Variants in DLG3 observed in about 807,000 individuals in gnomAD.
DLG3 encodes discs large MAGUK scaffold protein 3.
DLG3 carries 1 observed loss-of-function variant against 64.1 expected under a neutral mutation model. The observed-to-expected ratio is 0.02, with a 90% confidence interval of 0.01 to 0.07. The LOEUF (loss-of-function observed/expected upper bound fraction) is 0.07. DLG3 is among the 10% of genes least tolerant of loss of function. The pLI, the probability that DLG3 is intolerant of heterozygous loss-of-function variation, is 1.00. For synonymous variants in DLG3, 245 were observed against 259.8 expected, an observed-to-expected ratio of 0.94 and a Z score of 0.55; for missense variants, 429 against 669.5, an observed-to-expected ratio of 0.64 and a Z score of 3.96.
intron 9 of DLG3, among the ~76,000 whole-genome samples, chrX:70,464,499 G>A (rs769078199): frequency 3.7e-4 from 41 of 111,405 alleles, no homozygotes; most frequent in Non-Finnish European, 6.4e-4. Context: ...GAGCTCAAGT[G>A]ATTCCCTCGC....
At chrX:70,489,177 C>T (rs2087310749) in intron 10 of DLG3, among the ~76,000 whole-genome samples, 1 of 112,104 alleles carries the variant, frequency 8.9e-6, no homozygotes, top group Non-Finnish European at 1.9e-5. Flanking sequence ...AACATAAGCC[C>T]GAATAGTACA....
In DLG3 at chrX:70,448,920, G is replaced by A. The variant is rs1484571232; in HGVS notation, c.365G>A (p.Gly122Asp). Residue 122 changes from glycine to aspartate, a missense_variant, in exon 2 of 19, where the codon GGC becomes GAC. Gly to Asp is a moderately conservative substitution (Grantham distance 94). Coordinates refer to ENST00000374360, the MANE Select transcript of DLG3 (RefSeq NM_021120.4). ...TNRDWYEQVN[G>D]SDGMFKYEEI... ...GCCTGTGTCTCCCCCTAGGTGAATG[G>A]CAGTGATGGCATGTTCAAATATGAG... 6.6e-6 allele frequency: 8 copies of A among 1,209,306 alleles called. No individual in the cohort carries two copies. Among genetic ancestry groups the A allele is most frequent in the Non-Finnish European group, 6.7e-6 (6 of 894,738 alleles).
intron 9 of DLG3, among the ~76,000 whole-genome samples, chrX:70,465,332 A>C: frequency 8.9e-6 from 1 of 111,958 alleles, no homozygotes; most frequent in Non-Finnish European, 1.9e-5. Context: ...CTGGGTGATA[A>C]TGGTGATAAT....
intron 9 of DLG3, among the ~76,000 whole-genome samples, chrX:70,462,026 G>A (rs7057939): frequency 0.056 from 5,820 of 103,216 alleles, 537 homozygotes; most frequent in African/African-American, 0.2. Flanking sequence ...GACCCCATTA[G>A]CAATCACTCC....
chrX:70,485,461 C>T (rs1446255279), intron 10 of DLG3, among the ~76,000 whole-genome samples: 1 of 111,706 alleles, frequency 9.0e-6, no homozygotes, highest in Non-Finnish European at 1.9e-5. Context: ...TAGGCTGGGC[C>T]TCAGAGGAGT....
intron 16 of DLG3, among the ~76,000 whole-genome samples, 186 bp from the exon 17 acceptor site, chrX:70,500,285 A>G (rs1034249701): frequency 3.6e-5 from 4 of 111,475 alleles, no homozygotes; most frequent in Admixed American, 9.6e-5. Flanking sequence ...TTTCTGGGTA[A>G]TAGGAGCAAA....
chrX:70,500,848 A>G lies in DLG3; in HGVS notation c.2256-50A>G, dbSNP rs369205096. The G allele has an allele frequency of 3.7e-6, 4 of 1,077,201 alleles. No homozygotes were observed. In the African/African-American group the frequency reaches 7.4e-5, roughly 20 times the overall value. 88.8% of individuals were successfully genotyped at this position (1,077,201 alleles called of 1,213,427 possible). On this transcript the variant is annotated intron_variant, in intron 17 of 18. Coordinates refer to ENST00000374360, the MANE Select transcript of DLG3 (RefSeq NM_021120.4). ...ATCCTGGAATAATCCTTTATGGTTA[A>G]TCAGAACATAAGATCTGGTTCAGAA...
intron 10 of DLG3, among the ~76,000 whole-genome samples, chrX:70,484,801 C>G (rs1446314371): frequency 8.9e-6 from 1 of 111,744 alleles, no homozygotes; most frequent in East Asian, 2.8e-4. Context: ...CACTTTGAGA[C>G]AGACAAAGGA....
At chrX:70,487,570 T>G (rs1177647521) in intron 10 of DLG3, among the ~76,000 whole-genome samples, 1 of 112,237 alleles carries the variant, frequency 8.9e-6, no homozygotes, top group Admixed American at 9.4e-5. Context: ...CTACACCCTC[T>G]GTCACCTAGT....
chrX:70,468,059 T>C (rs375003442), intron 9 of DLG3, among the ~76,000 whole-genome samples: 2 of 111,359 alleles, frequency 1.8e-5, no homozygotes, highest in Non-Finnish European at 3.8e-5. Context: ...GTAGATTTTT[T>C]TTTGTTTGTT....
rs1464209094 is a variant in DLG3, at chrX:70,503,213, G to A, written c.*944G>A. ...TTGTTTTATGCCACCTGATGTGTCT[G>A]CATGAGAGGTTTCCTTTTTGTTCCT... On this transcript the variant is annotated 3_prime_UTR_variant, in exon 19 of 19. Coordinates refer to ENST00000374360, the MANE Select transcript of DLG3 (RefSeq NM_021120.4). 8.9e-6 allele frequency: 1 copy of A among 112,757 alleles called. No individual in the cohort carries two copies. Among genetic ancestry groups the A allele is most frequent in the Admixed American group, 9.4e-5 (1 of 10,612 alleles). 9.3% of individuals were successfully genotyped at this position (112,757 alleles called of 1,213,427 possible). A position where few individuals can be genotyped will look rare whatever the true frequency, so the allele number is the denominator to read the frequency against.
intron 13 of DLG3, among the ~76,000 whole-genome samples, chrX:70,498,289 C>T (rs976510137): frequency 8.9e-6 from 1 of 112,559 alleles, no homozygotes; most frequent in Non-Finnish European, 1.9e-5. Context: ...GGCTTCTGGG[C>T]CTTGGCCCTT....
chrX:70,500,187 G>A (rs1035091294), intron 16 of DLG3, 138 bp downstream of exon 16: 24 of 557,455 alleles, frequency 4.3e-5, no homozygotes, highest in African/African-American at 4.2e-4. Flanking sequence ...TACTCCCAGC[G>A]CCTTGACGAA....
chrX:70,499,387 G>C (rs1422167136), intron 15 of DLG3, 110 bp downstream of exon 15: 2 of 591,035 alleles, frequency 3.4e-6, no homozygotes, highest in Admixed American at 2.6e-5. Flanking sequence ...TTTGGGGACA[G>C]GGTACATTTG....
Position 70,500,484 on chromosome X carries a change from T to C in DLG3, c.2159T>C (p.Ile720Thr). ...CTGCTTTTTCAGGGCAAGCACTGCA[T>C]CTTAGATGTTTCCGGCAATGCTATC... Reference protein sequence around the residue: ...RAVAERGKHCILDVSGNAIKR... With the variant: ...RAVAERGKHCTLDVSGNAIKR... The change falls in exon 17 of 19, where the codon ATC becomes ACC. Residue 720 changes from isoleucine to threonine, a missense_variant. By Grantham distance (89) the Ile-to-Thr change is moderately conservative. This residue lies in a region of DLG3 where 48 missense variants were observed against 69.5 expected (regional missense o/e 0.69). Coordinates refer to ENST00000374360, the MANE Select transcript of DLG3 (RefSeq NM_021120.4). 8.3e-7 allele frequency: 1 copy of C among 1,208,769 alleles called. No individual in the cohort carries two copies. Among genetic ancestry groups the C allele is most frequent in the South Asian group, 1.8e-5 (1 of 56,873 alleles).
At chrX:70,466,247 TTGTGTGTGTGTGTGTGTGTGTGTG>T (rs61083333) in intron 9 of DLG3, among the ~76,000 whole-genome samples, 3 of 84,418 alleles carry the variant, frequency 3.6e-5, no homozygotes, top group South Asian at 1.4e-3. Context: ...TCTTGGTCAT[TTGTGTGTGTGTGTGTGTGTGTGTG>T]TGTGTGTGTG....
At chrX:70,494,771 G>C (rs2087422955) in intron 12 of DLG3, among the ~76,000 whole-genome samples, 1 of 112,409 alleles carries the variant, frequency 8.9e-6, no homozygotes, top group African/African-American at 3.2e-5. Context: ...GGTGCCTAGT[G>C]CTTCTCCAGA....
intron 13 of DLG3, among the ~76,000 whole-genome samples, chrX:70,496,090 G>T (rs756352011): frequency 8.9e-6 from 1 of 112,361 alleles, no homozygotes; most frequent in African/African-American, 3.2e-5. Context: ...TTTCCTTTCT[G>T]GAAAAGAATC....
chrX:70,464,845 A>T (rs1179011284), intron 9 of DLG3, among the ~76,000 whole-genome samples: 1 of 110,911 alleles, frequency 9.0e-6, no homozygotes, highest in Non-Finnish European at 1.9e-5. Context: ...AATCTCAGCT[A>T]CTCAGGAGGT....
Sources: gnomAD v4.1 joint callset for allele counts (sites outside exome capture counted in the v4.1 genomes callset) on GRCh38, gnomAD v4.1.1 for gene constraint, gnomAD v4.1.1 regional missense constraint, MANE v1.5 for transcripts, NCBI Gene and HGNC (gene_info 2026-07-23, HGNC 2026-07-21) for gene names.